Variants in CXADR observed in about 807,000 individuals in gnomAD.
CXADR encodes the protein CXADR cell adhesion molecule, also known as coxsackievirus and adenovirus receptor.
CXADR carries 20 observed loss-of-function variants against 40.3 expected under a neutral mutation model. The observed-to-expected ratio is 0.50, with a 90% CI of 0.35 to 0.72. The LOEUF is 0.72. CXADR is among the 30% of genes least tolerant of loss of function. CXADR has a pLI of 0.01. For missense variants in CXADR, 332 were observed against 449.1 expected (o/e 0.74, Z 2.36); for synonymous variants, 150 against 161.3 (o/e 0.93, Z 0.53).
At chr21:17,560,354 A>G (rs1294936347) in intron 4 of CXADR, among the ~76,000 whole-genome samples, 2 of 151,994 alleles carry the variant, frequency 1.3e-5, no homozygotes, top group Non-Finnish European at 1.5e-5. Flanking sequence ...TAGGTTTTGT[A>G]TGTTTTCCTG....
chr21:17,563,076 T>G (rs1045486514), intron 6 of CXADR, among the ~76,000 whole-genome samples: 3 of 152,216 alleles, frequency 2.0e-5, no homozygotes, highest in Non-Finnish European at 4.4e-5. Flanking sequence ...TTCTTTGCAT[T>G]TACAATTTGG....
chr21:17,542,771 C>T (rs552081427), intron 1 of CXADR, among the ~76,000 whole-genome samples: 4 of 152,198 alleles, frequency 2.6e-5, no homozygotes, highest in South Asian at 4.1e-4. Flanking sequence ...CCTTTTAAAC[C>T]GTGTTTCAAC....
intron 1 of CXADR, among the ~76,000 whole-genome samples, chr21:17,544,656 G>A (rs912839673): frequency 6.6e-6 from 1 of 152,150 alleles, no homozygotes; most frequent in Non-Finnish European, 1.5e-5. Context: ...GGTTTTTGAG[G>A]CCTAACCTCG....
chr21:17,606,714 TAAC>T, the CXADR span, among the ~76,000 whole-genome samples: 4 of 152,164 alleles, frequency 2.6e-5, no homozygotes, highest in Admixed American at 1.3e-4. Context: ...ACTTATCCAT[TAAC>T]TACTCTTCAA....
chr21:17,619,327 A>G, the CXADR span, among the ~76,000 whole-genome samples: 4 of 152,218 alleles, frequency 2.6e-5, no homozygotes, highest in South Asian at 2.1e-4. Flanking sequence ...CAAGACCCAC[A>G]TGGCGTTCAA....
At chr21:17,598,585 T>C in the CXADR span, 41 of 1,586,376 alleles carry the variant, frequency 2.6e-5, 1 homozygote, top group South Asian at 3.8e-4. Context: ...TCCCTGCACA[T>C]CCCTTTAAAA....
intron 7 of CXADR, among the ~76,000 whole-genome samples, chr21:17,592,488 A>G (rs1231803325): frequency 6.6e-6 from 1 of 151,938 alleles, no homozygotes; most frequent in Non-Finnish European, 1.5e-5. Flanking sequence ...AAGCAAAGCA[A>G]TAAATAAATT....
At position 17,569,099 on chromosome 21, in the gene CXADR, A is replaced by G. The variant is rs776939439; in HGVS notation, c.*3407A>G. 38 of 985,344 alleles carry G rather than the reference A, an allele frequency of 3.9e-5. No individual in the cohort carries two copies. Among genetic ancestry groups the G allele is most frequent in the Non-Finnish European group, 4.3e-5 (36 of 829,940 alleles). The allele number at this position is 985,344 out of a possible 1,614,324, so 61.0% of individuals were successfully genotyped here. On this transcript the variant is annotated 3_prime_UTR_variant, in exon 7 of 7. Transcript: ENST00000284878. ...AGGAACTCATTGCATGAAGTTGACT[A>G]TCAAATTCTGTGATGTGTGGCTTCT...
At chr21:17,594,470 A>C, downstream of CXADR, 1 of 1,024,184 alleles carries the variant, frequency 9.8e-7, no homozygotes, top group Non-Finnish European at 1.4e-6. Flanking sequence ...TCAGGTCTAA[A>C]TACATTAAAA....
chr21:17,542,374 T>C (rs981584350), intron 1 of CXADR, among the ~76,000 whole-genome samples: 3 of 152,208 alleles, frequency 2.0e-5, no homozygotes, highest in African/African-American at 7.2e-5. Flanking sequence ...TTCCATTCTC[T>C]CCAGTTTGCT....
chr21:17,585,308 G>A (rs1250519465), intron 7 of CXADR, among the ~76,000 whole-genome samples: 1 of 151,936 alleles, frequency 6.6e-6, no homozygotes, highest in African/African-American at 2.4e-5. Flanking sequence ...ATACATATGA[G>A]TACCATGAAA....
At chr21:17,530,383 T>C (rs1569086167) in intron 1 of CXADR, 1 of 454,636 alleles carries the variant, frequency 2.2e-6, no homozygotes, top group Admixed American at 2.4e-5. Flanking sequence ...CTCATGTTGG[T>C]AAGATTATTC....
chr21:17,524,023 C>T (rs958200104), intron 1 of CXADR, among the ~76,000 whole-genome samples: 7 of 149,244 alleles, frequency 4.7e-5, no homozygotes, highest in African/African-American at 1.5e-4. Flanking sequence ...CATGCCCAGG[C>T]GATTTTGTGT....
chr21:17,604,493 A>G, the CXADR span, among the ~76,000 whole-genome samples: 5 of 152,158 alleles, frequency 3.3e-5, no homozygotes, highest in South Asian at 8.3e-4. Flanking sequence ...GAAACAAACC[A>G]AAAGTGGTTA....
rs1469068958 is a variant in CXADR at position 17,534,097 on chromosome 21, TATA to T, written c.44-12929_44-12927del. On this transcript the variant is annotated intron_variant, in intron 1 of 6. Coordinates refer to ENST00000284878, the MANE Select transcript of CXADR (RefSeq NM_001338.5). ...ACACACACACATATATATATATATA[TATA>T]TTTTTTTTTTTTTTTTTTTTTTTTT... is the stretch of plus-strand genomic sequence containing the variant. 7.2e-4 allele frequency among the ~76,000 whole-genome samples: 70 copies of T among 96,566 alleles called. 1 individual carries two copies. Among genetic ancestry groups the T allele is most frequent in the African/African-American group, 3.1e-3 (64 of 20,952 alleles). 63.4% of individuals were successfully genotyped at this position (96,566 alleles called of 152,430 possible).
At chr21:17,597,708 A>G (rs1187607486), downstream of CXADR, among the ~76,000 whole-genome samples, 11 of 140,342 alleles carry the variant, frequency 7.8e-5, no homozygotes, top group Admixed American at 2.3e-4. Flanking sequence ...CCTAAAGTCT[A>G]GGAAGAATAA....
chr21:17,537,780 G>A (rs1600979806), intron 1 of CXADR, among the ~76,000 whole-genome samples: 1 of 152,082 alleles, frequency 6.6e-6, no homozygotes, highest in South Asian at 2.1e-4. Flanking sequence ...AAAAACCAGT[G>A]ATGATCAAGA....
intron 7 of CXADR, among the ~76,000 whole-genome samples, chr21:17,579,969 TGATG>T (rs1353067617): frequency 6.6e-6 from 1 of 152,004 alleles, no homozygotes; most frequent in Non-Finnish European, 1.5e-5. Flanking sequence ...CATGAAGAGG[TGATG>T]GACTACTTTA....
At position 17,569,178 on chromosome 21, in the gene CXADR, T is replaced by G. The variant is rs919264105; in HGVS notation, c.*3486T>G. On this transcript the variant is annotated 3_prime_UTR_variant, in exon 7 of 7. Coordinates refer to ENST00000284878, the MANE Select transcript of CXADR (RefSeq NM_001338.5). ...CGTGCAGCATGTACATTTGATGTTA[T>G]GTGAATGTTGAGTTTTTTCTTCTAA... 2 of 985,296 alleles carry G rather than the reference T, an allele frequency of 2.0e-6. No homozygotes were observed. The highest frequency in any genetic ancestry group is 3.5e-5 in the African/African-American group (2 of 57,238). 61.0% of individuals were successfully genotyped at this position (985,296 alleles called of 1,614,324 possible).
Sources: gnomAD v4.1 joint callset for allele counts (sites outside exome capture counted in the v4.1 genomes callset) on GRCh38, gnomAD v4.1.1 for gene constraint, MANE v1.5 for transcripts, NCBI Gene and HGNC (gene_info 2026-07-23, HGNC 2026-07-21) for gene names.